The following UNC13C variants were observed in gnomAD, a reference collection of about 807,000 sequenced individuals.
The protein encoded by UNC13C is protein unc-13 homolog C.
UNC13C carries 174 observed loss-of-function variants against 245.4 expected under a neutral mutation model. The observed-to-expected ratio is 0.71, with a 90% CI of 0.63 to 0.80. The LOEUF is 0.80. UNC13C is among the 30% of genes least tolerant of loss of function. UNC13C has a pLI of 0.00. For synonymous variants in UNC13C, 992 were observed against 895.1 expected (o/e 1.11, Z -1.93); for missense variants, 2,829 against 2,602.9 (o/e 1.09, Z -1.89).
chr15:53,967,319 A>G, the UNC13C span, among the ~76,000 whole-genome samples: 1 of 117,854 alleles, frequency 8.5e-6, no homozygotes, highest in Non-Finnish European at 1.9e-5. Flanking sequence ...TTAAGAGCAC[A>G]ATTTTTTTTT....
chr15:53,888,749 G>A, the UNC13C span, among the ~76,000 whole-genome samples: 52,351 of 152,038 alleles, frequency 0.34, 9,199 homozygotes, highest in Admixed American at 0.39. Context: ...AAGGGCTCAC[G>A]TTTCAGTTTT....
chr15:54,152,857 G>GA (rs778816230), intron 4 of UNC13C, among the ~76,000 whole-genome samples: 18 of 145,514 alleles, frequency 1.2e-4, no homozygotes, highest in Middle Eastern at 3.5e-3. Flanking sequence ...GTCTTAGAGA[G>GA]AAAAAAAAAA....
At chr15:54,499,993 C>A in intron 20 of UNC13C, 86 bp from the exon 21 acceptor site, 1 of 973,152 alleles carries the variant, frequency 1.0e-6, no homozygotes, top group South Asian at 1.7e-5. Flanking sequence ...TTCTAAATTA[C>A]TCTCATATGC....
At chr15:54,283,690 A>G (rs1159982421) in intron 10 of UNC13C, among the ~76,000 whole-genome samples, 1 of 134,674 alleles carries the variant, frequency 7.4e-6, no homozygotes, top group Non-Finnish European at 1.6e-5. Context: ...TCTATGTGAT[A>G]TATATGTGTG....
At chr15:54,280,601 GCT>G (rs2036954690) in intron 10 of UNC13C, among the ~76,000 whole-genome samples, 2 of 146,982 alleles carry the variant, frequency 1.4e-5, no homozygotes, top group Non-Finnish European at 3.0e-5. Context: ...TCTCTCTCTT[GCT>G]CTCTCTCCAT....
At chr15:54,223,444 G>C (rs565099060) in intron 4 of UNC13C, among the ~76,000 whole-genome samples, 1 of 151,948 alleles carries the variant, frequency 6.6e-6, no homozygotes, top group Non-Finnish European at 1.5e-5. Flanking sequence ...CTGTTTCATT[G>C]GTCTGTGTGT....
chr15:53,928,704 A>T, the UNC13C span, among the ~76,000 whole-genome samples: 2 of 152,244 alleles, frequency 1.3e-5, no homozygotes, highest in Non-Finnish European at 2.9e-5. Flanking sequence ...TTAATCATAC[A>T]GTTTGGTTCA....
At chr15:53,979,228 G>T (rs1893826216) in intron 1 of UNC13C, among the ~76,000 whole-genome samples, 1 of 152,100 alleles carries the variant, frequency 6.6e-6, no homozygotes, top group Non-Finnish European at 1.5e-5. Flanking sequence ...GAGATGAAAG[G>T]CTGGGATATT....
At chr15:54,631,130 G>C (rs989281521), downstream of UNC13C, 1 of 152,110 alleles carries the variant, frequency 6.6e-6, no homozygotes. Flanking sequence ...AGGTTGCTTT[G>C]AGCTTAGAAG....
chr15:53,883,095 C>A, the UNC13C span, among the ~76,000 whole-genome samples: 4 of 151,962 alleles, frequency 2.6e-5, no homozygotes, highest in Non-Finnish European at 5.9e-5. Flanking sequence ...CTGGGAAGAG[C>A]ACTATAGCTA....
intron 30 of UNC13C, among the ~76,000 whole-genome samples, chr15:54,568,737 C>T (rs1274455236): frequency 6.6e-6 from 1 of 152,120 alleles, no homozygotes; most frequent in Non-Finnish European, 1.5e-5. Flanking sequence ...ACACTAACTT[C>T]ATTCATGAAA....
intron 14 of UNC13C, among the ~76,000 whole-genome samples, chr15:54,331,547 T>C (rs2038436258): frequency 6.6e-6 from 1 of 152,050 alleles, no homozygotes; most frequent in African/African-American, 2.4e-5. Context: ...AAAAAGAAAA[T>C]ATTTTTTCCA....
chr15:54,472,962 G>A (rs538175641), intron 19 of UNC13C, among the ~76,000 whole-genome samples: 1 of 151,752 alleles, frequency 6.6e-6, no homozygotes, highest in African/African-American at 2.4e-5. Context: ...TCCCATTACC[G>A]AGGTAGTGAG....
At chr15:54,081,079 G>T (rs1187629811) in intron 2 of UNC13C, among the ~76,000 whole-genome samples, 2 of 152,044 alleles carry the variant, frequency 1.3e-5, no homozygotes, top group Non-Finnish European at 2.9e-5. Context: ...AAGCCATTCA[G>T]GAGCAAGTTG....
the UNC13C span, among the ~76,000 whole-genome samples, chr15:53,844,555 A>G: frequency 6.6e-6 from 1 of 152,132 alleles, no homozygotes; most frequent in Non-Finnish European, 1.5e-5. Flanking sequence ...CTGCACTCTC[A>G]TATAGCCTGG....
chr15:53,947,697 T>A, the UNC13C span: 3 of 152,196 alleles, frequency 2.0e-5, no homozygotes, highest in African/African-American at 7.2e-5. Context: ...ACACAGTGTT[T>A]TGTATCCATC....
At chr15:54,274,964 G>A (rs930003206) in intron 10 of UNC13C, among the ~76,000 whole-genome samples, 5 of 151,932 alleles carry the variant, frequency 3.3e-5, no homozygotes, top group Admixed American at 6.6e-5. Context: ...GCCACCACGC[G>A]CGGCCTAAGT....
intron 2 of UNC13C, among the ~76,000 whole-genome samples, chr15:54,110,364 A>C (rs1416194528): frequency 6.6e-6 from 1 of 152,178 alleles, no homozygotes; most frequent in African/African-American, 2.4e-5. Context: ...GTACTTTTCA[A>C]ATATTCTATA....
intron 13 of UNC13C, among the ~76,000 whole-genome samples, chr15:54,320,340 C>T (rs555993469): frequency 2.0e-5 from 3 of 151,966 alleles, no homozygotes; most frequent in Non-Finnish European, 4.4e-5. Flanking sequence ...TTGGTGCATA[C>T]ATGCAACATT....
Sources: allele counts gnomAD v4.1 joint callset (sites outside exome capture counted in the v4.1 genomes callset), GRCh38; gene constraint gnomAD v4.1.1; transcripts MANE v1.5; gene names NCBI Gene and HGNC (gene_info 2026-07-23, HGNC 2026-07-21).